FHIT: variants seen among roughly 807,000 people sequenced by gnomAD.
FHIT encodes bis(5'-adenosyl)-triphosphatase.
FHIT carries 19 observed loss-of-function variants against 17.9 expected under a neutral mutation model. That is an observed-to-expected ratio of 1.06 (90% CI 0.74 to 1.56). FHIT has a LOEUF of 1.56. Among genes scored for constraint, FHIT ranks in the 40% most tolerant of loss-of-function variants. FHIT has a pLI of 0.00. For missense variants in FHIT, 248 were observed against 189.2 expected, an observed-to-expected ratio of 1.31 and a Z score of -1.82; for synonymous variants, 81 against 69.7, an observed-to-expected ratio of 1.16 and a Z score of -0.81.
At chr3:59,929,558 A>G (rs1011455553) in intron 7 of FHIT, among the ~76,000 whole-genome samples, 3 of 151,522 alleles carry the variant, frequency 2.0e-5, no homozygotes, top group Non-Finnish European at 4.4e-5. Flanking sequence ...CATTTTTAGT[A>G]CAGACGGGGT....
chr3:60,875,982 T>C (rs1336093452), intron 3 of FHIT, among the ~76,000 whole-genome samples: 3 of 151,310 alleles, frequency 2.0e-5, no homozygotes, highest in African/African-American at 7.3e-5. Context: ...TAGATATTCA[T>C]TTACTTATAT....
chr3:59,793,864 G>C (rs2106941389), intron 8 of FHIT, among the ~76,000 whole-genome samples: 1 of 152,234 alleles, frequency 6.6e-6, no homozygotes, highest in South Asian at 2.1e-4. Flanking sequence ...GTGAGGATAG[G>C]GGTTGTCATT....
At chr3:60,117,050 A>T (rs980727822) in intron 5 of FHIT, among the ~76,000 whole-genome samples, 7 of 152,062 alleles carry the variant, frequency 4.6e-5, no homozygotes, top group African/African-American at 1.7e-4. Flanking sequence ...TTAAATTAGA[A>T]AGTCAGCAAA....
intron 2 of FHIT, among the ~76,000 whole-genome samples, chr3:61,077,465 AAAACAAAC>A (rs1026862267): frequency 1.3e-5 from 2 of 152,052 alleles, no homozygotes; most frequent in Non-Finnish European, 2.9e-5. Context: ...ATTATTAAAA[AAAACAAAC>A]AAACAAACAA....
rs150031457 is a variant in FHIT, at chr3:59,956,854, A to G, written c.280-34440T>C. On this transcript the variant is annotated intron_variant, in intron 7 of 9. Coordinates refer to ENST00000492590, the MANE Select transcript of FHIT (RefSeq NM_002012.4). Reference sequence around the variant, plus strand: ...GTAAACATTATTGTCAAAAATCCCTATCATCCTTTAGTTCTCATCTTAAAT... The same window carrying G: ...GTAAACATTATTGTCAAAAATCCCTGTCATCCTTTAGTTCTCATCTTAAAT... Among the ~76,000 whole-genome samples, 245 of 152,306 alleles carry G rather than the reference A, an allele frequency of 1.6e-3. 1 individual carries two copies. Among genetic ancestry groups the G allele is most frequent in the African/African-American group, 5.3e-3 (220 of 41,580 alleles).
intron 4 of FHIT, among the ~76,000 whole-genome samples, chr3:60,720,634 A>G (rs1323806861): frequency 6.6e-6 from 1 of 152,178 alleles, no homozygotes; most frequent in African/African-American, 2.4e-5. Context: ...AGACCAATTA[A>G]GTCAGAATCT....
At chr3:60,164,348 G>T (rs1460912705) in intron 5 of FHIT, among the ~76,000 whole-genome samples, 2 of 152,160 alleles carry the variant, frequency 1.3e-5, no homozygotes, top group South Asian at 4.1e-4. Context: ...AGAAGAGGCT[G>T]TTCTTTCAAG....
intron 8 of FHIT, among the ~76,000 whole-genome samples, chr3:59,866,912 C>T (rs1162906159): frequency 6.6e-6 from 1 of 151,874 alleles, no homozygotes; most frequent in Admixed American, 6.6e-5. Flanking sequence ...TTTATGTCAC[C>T]GCTGCTCGGC....
intron 5 of FHIT, among the ~76,000 whole-genome samples, chr3:60,024,530 C>T (rs1053705752): frequency 1.3e-5 from 2 of 152,106 alleles, no homozygotes; most frequent in Non-Finnish European, 2.9e-5. Flanking sequence ...AATTAAGAGC[C>T]GACTACCTGG....
chr3:60,378,955 A>G (rs1700691452), intron 5 of FHIT, among the ~76,000 whole-genome samples: 1 of 152,234 alleles, frequency 6.6e-6, no homozygotes, highest in Non-Finnish European at 1.5e-5. Flanking sequence ...CACTACAATC[A>G]AGTAGGTGGT....
At chr3:60,243,901 TAAGAGTCAGCAGG>T (rs1467370255) in intron 5 of FHIT, among the ~76,000 whole-genome samples, 1 of 152,098 alleles carries the variant, frequency 6.6e-6, no homozygotes, top group Non-Finnish European at 1.5e-5. Flanking sequence ...TTATGTTCTG[TAAGAGTCAGCAGG>T]GAGAACAGAA....
At chr3:61,247,613 T>C (rs990636472) in intron 1 of FHIT, among the ~76,000 whole-genome samples, 1 of 152,246 alleles carries the variant, frequency 6.6e-6, no homozygotes, top group Non-Finnish European at 1.5e-5. Context: ...CAAGACAGGT[T>C]ATCAAGAGTT....
At chr3:61,049,428 C>T (rs944123141) in intron 2 of FHIT, among the ~76,000 whole-genome samples, 18 of 151,812 alleles carry the variant, frequency 1.2e-4, no homozygotes, top group African/African-American at 3.6e-4. Context: ...TTTTGCATCC[C>T]CTAATGATAT....
chr3:59,936,551 C>T (rs1053676369), intron 7 of FHIT, among the ~76,000 whole-genome samples: 8 of 152,130 alleles, frequency 5.3e-5, no homozygotes, highest in East Asian at 1.9e-4. Context: ...TTACATGTTT[C>T]GAGGCAGCTC....
At chr3:60,249,019 T>C (rs1450541055) in intron 5 of FHIT, among the ~76,000 whole-genome samples, 4 of 152,188 alleles carry the variant, frequency 2.6e-5, no homozygotes, top group African/African-American at 9.6e-5. Flanking sequence ...TTTCAGTCAA[T>C]CGAATATAAA....
At chr3:60,011,592 G>T (rs1362137870) in intron 6 of FHIT, among the ~76,000 whole-genome samples, 192 bp from the exon 7 acceptor site, 2 of 152,152 alleles carry the variant, frequency 1.3e-5, no homozygotes, top group African/African-American at 2.4e-5. Context: ...TAAGTGCGAA[G>T]TTATGTATAA....
At chr3:60,790,296 G>T (rs1251560034) in intron 4 of FHIT, among the ~76,000 whole-genome samples, 1 of 152,188 alleles carries the variant, frequency 6.6e-6, no homozygotes, top group African/African-American at 2.4e-5. Flanking sequence ...GACAAGTCTA[G>T]ATTTGGACAT....
At chr3:59,793,688 G>C (rs528208945) in intron 8 of FHIT, among the ~76,000 whole-genome samples, 1 of 152,290 alleles carries the variant, frequency 6.6e-6, no homozygotes, top group South Asian at 2.1e-4. Context: ...TCAAGTGAGG[G>C]GACAGGACTT....
chr3:60,347,359 G>C (rs984931109), intron 5 of FHIT, among the ~76,000 whole-genome samples: 4 of 152,208 alleles, frequency 2.6e-5, no homozygotes, highest in Middle Eastern at 3.4e-3. Context: ...AGTTTCAACA[G>C]ACAGTAAGTT....
Sources: gnomAD v4.1 joint callset for allele counts (sites outside exome capture counted in the v4.1 genomes callset) on GRCh38, gnomAD v4.1.1 for gene constraint, MANE v1.5 for transcripts, NCBI Gene and HGNC (gene_info 2026-07-23, HGNC 2026-07-21) for gene names.